Variants in CNBD1 observed in about 807,000 individuals in gnomAD.
The protein encoded by CNBD1 is cyclic nucleotide-binding domain-containing protein 1.
In CNBD1, 71 loss-of-function variants were observed where a neutral mutation model predicts 54.4. The ratio of observed to expected loss-of-function variants is 1.30; its 90% CI spans 1.08 to 1.59. The LOEUF is 1.59. Among genes scored for constraint, CNBD1 ranks in the 40% most tolerant of loss-of-function variants. The pLI is 0.00. For missense variants in CNBD1, 659 were observed against 518.0 expected, an observed-to-expected ratio of 1.27 and a Z score of -2.64; for synonymous variants, 182 against 170.7, an observed-to-expected ratio of 1.07 and a Z score of -0.51.
rs1046317122 is a variant in CNBD1, at chr8:87,211,642, T to C, written c.577+5504T>C. Among the ~76,000 whole-genome samples the C allele has an allele frequency of 6.6e-5, 10 of 152,280 alleles. No individual in the cohort carries two copies. The South Asian group carries it at 2.1e-3, about 32-fold the overall frequency. The stretch of plus-strand genomic sequence containing the variant: ...TATTCTCTCTCCTGCTCCTTCTCTC[T>C]CCATGTGATGCGTCTGCTTCCATTT... On this transcript the variant is annotated intron_variant, in intron 5 of 10. Transcript: ENST00000518476.
intron 4 of CNBD1, among the ~76,000 whole-genome samples, chr8:87,172,429 T>A (rs1184916476): frequency 6.6e-6 from 1 of 152,086 alleles, no homozygotes; most frequent in African/African-American, 2.4e-5. Context: ...CTTTGTTGAT[T>A]TTCTGTCTGG....
chr8:86,899,910 A>G (rs924656417), intron 2 of CNBD1, among the ~76,000 whole-genome samples: 4 of 152,066 alleles, frequency 2.6e-5, no homozygotes, highest in Admixed American at 6.5e-5. Flanking sequence ...TCATGGCTCA[A>G]TTCCTCCCAC....
At chr8:87,280,770 G>A (rs536081581) in intron 6 of CNBD1, among the ~76,000 whole-genome samples, 5 of 151,536 alleles carry the variant, frequency 3.3e-5, no homozygotes, top group Admixed American at 2.0e-4. Flanking sequence ...CTTATTCAGA[G>A]GGAGATTGTT....
intron 4 of CNBD1, among the ~76,000 whole-genome samples, chr8:87,106,366 C>A (rs1441519942): frequency 6.6e-6 from 1 of 151,956 alleles, no homozygotes; most frequent in East Asian, 1.9e-4. Flanking sequence ...CACCTGCCAC[C>A]ATGCCCAGCT....
In CNBD1 at chr8:87,325,378, G is replaced by A. The variant is rs1247021234; in HGVS notation, c.1043-26307G>A. 1.4e-4 allele frequency among the ~76,000 whole-genome samples: 13 copies of A among 90,272 alleles called. 1 individual carries two copies. The South Asian group carries it at 3.7e-3, about 26-fold the overall frequency. 59.2% of individuals were successfully genotyped at this position (90,272 alleles called of 152,430 possible). ...ATCCTTGTTGACTTTCTGTCTCGTT[G>A]ATCTGTCTAATGTTGACAGTGGGGT... On this transcript the variant is annotated intron_variant, in intron 8 of 10. Coordinates refer to ENST00000518476, the MANE Select transcript of CNBD1 (RefSeq NM_173538.3).
intron 4 of CNBD1, among the ~76,000 whole-genome samples, chr8:87,012,188 T>C (rs1809238045): frequency 6.6e-6 from 1 of 152,190 alleles, no homozygotes; most frequent in African/African-American, 2.4e-5. Flanking sequence ...GTCCATTTGA[T>C]AGTAGAGGTC....
In CNBD1 at chr8:86,923,839, G is replaced by A. The variant is rs148569188; in HGVS notation, c.273-15757G>A. On this transcript the variant is annotated intron_variant, in intron 3 of 10. Coordinates refer to ENST00000518476, the MANE Select transcript of CNBD1 (RefSeq NM_173538.3). ...TTAAAGAAGAATCATAGAAGGACAG[G>A]TGACATCAGAACAGAATATTCTGGG... Among the ~76,000 whole-genome samples the A allele has an allele frequency of 3.4e-4, 52 of 152,270 alleles. 1 individual carries two copies. Among genetic ancestry groups the A allele is most frequent in the African/African-American group, 1.2e-3 (50 of 41,568 alleles).
rs139304564 is a variant in CNBD1 at position 86,923,344 on chromosome 8, C to T, written c.273-16252C>T. ...GGGATGGTCCCCGCTTGGCCCACAGCCATTCCAGGGCACCTTCCCTTTCTA... is the reference window on the plus strand; with the variant it reads ...GGGATGGTCCCCGCTTGGCCCACAGTCATTCCAGGGCACCTTCCCTTTCTA... On this transcript the variant is annotated intron_variant, in intron 3 of 10. Coordinates refer to ENST00000518476, the MANE Select transcript of CNBD1 (RefSeq NM_173538.3). 1.4e-3 allele frequency among the ~76,000 whole-genome samples: 217 copies of T among 152,292 alleles called. 2 individuals carry two copies. The highest frequency in any genetic ancestry group is 5.1e-3 in the African/African-American group (213 of 41,560).
intron 9 of CNBD1, among the ~76,000 whole-genome samples, chr8:87,353,360 G>A (rs1810346236): frequency 6.6e-6 from 1 of 152,090 alleles, no homozygotes; most frequent in Admixed American, 6.5e-5. Context: ...TTGAAATGTG[G>A]AATTAGTTCA....
intron 8 of CNBD1, among the ~76,000 whole-genome samples, chr8:87,315,354 T>A (rs1296785289): frequency 6.6e-6 from 1 of 152,092 alleles, no homozygotes; most frequent in Admixed American, 6.6e-5. Context: ...AAGGAATACT[T>A]GAAGCTAGGT....
chr8:87,131,035 T>G (rs976461347), intron 4 of CNBD1, among the ~76,000 whole-genome samples: 29 of 152,116 alleles, frequency 1.9e-4, no homozygotes, highest in African/African-American at 7.0e-4. Context: ...TTACATAATA[T>G]GTATCTGTCC....
intron 4 of CNBD1, among the ~76,000 whole-genome samples, chr8:87,007,468 C>A (rs568606781): frequency 6.6e-6 from 1 of 152,118 alleles, no homozygotes; most frequent in African/African-American, 2.4e-5. Flanking sequence ...ATATTTTGAG[C>A]CCTCAGTGCT....
At chr8:86,987,286 T>C (rs1808630140) in intron 4 of CNBD1, among the ~76,000 whole-genome samples, 1 of 152,132 alleles carries the variant, frequency 6.6e-6, no homozygotes, top group African/African-American at 2.4e-5. Flanking sequence ...AATGAGGTTG[T>C]GTTTCTTATT....
At position 86,939,724 on chromosome 8, in the gene CNBD1, T is replaced by A; in HGVS notation, c.401T>A (p.Phe134Tyr). The A allele has an allele frequency of 6.3e-7, 1 of 1,581,780 alleles. No individual in the cohort carries two copies. Among genetic ancestry groups the A allele is most frequent in the Non-Finnish European group, 8.6e-7 (1 of 1,161,714 alleles). Residue 134 changes from phenylalanine (F) to tyrosine (Y), a missense_variant, in exon 4 of 11, where the codon TTT becomes TAT. Coordinates refer to ENST00000518476, the MANE Select transcript of CNBD1 (RefSeq NM_173538.3). ...AGACCAAAAAGAGCCACAGAGAAAT[T>A]TGAAGAATTCCTAGCTATCTTAAAG... ...LYRPKRATEK[F>Y]EEFLAILKKL...
At chr8:87,399,567 A>G (rs1434901269) in intron 2 of CNBD1, among the ~76,000 whole-genome samples, 1 of 152,004 alleles carries the variant, frequency 6.6e-6, no homozygotes, top group Admixed American at 6.6e-5. Context: ...AACCTAATAT[A>G]AAGCCCCTAA....
chr8:86,874,349 T>C (rs1408087009), intron 1 of CNBD1, among the ~76,000 whole-genome samples: 1 of 152,186 alleles, frequency 6.6e-6, no homozygotes, highest in Non-Finnish European at 1.5e-5. Context: ...CATGATTAGA[T>C]TTGAGGTAGA....
At chr8:87,069,710 C>T (rs972437318) in intron 4 of CNBD1, among the ~76,000 whole-genome samples, 1 of 152,056 alleles carries the variant, frequency 6.6e-6, no homozygotes, top group African/African-American at 2.4e-5. Flanking sequence ...ACTGGAGTTG[C>T]CATTCTTGCT....
intron 3 of CNBD1, among the ~76,000 whole-genome samples, chr8:86,938,243 A>G (rs1331197214): frequency 2.0e-5 from 3 of 152,120 alleles, no homozygotes; most frequent in Non-Finnish European, 4.4e-5. Flanking sequence ...TTTTGCCCAT[A>G]TCACTATCAG....
At position 87,166,741 on chromosome 8, in the gene CNBD1, T is replaced by C. The variant is rs979454631; in HGVS notation, c.432-39252T>C. 3.3e-5 allele frequency among the ~76,000 whole-genome samples: 5 copies of C among 152,034 alleles called. No individual in the cohort carries two copies. The East Asian group carries it at 9.7e-4, about 29-fold the overall frequency. On this transcript the variant is annotated intron_variant, in intron 4 of 10. Transcript: ENST00000518476. This position sits in a 1 kb window ranked among gnomAD's most constrained non-coding sequence, Gnocchi z 4.3. ...CCTAACTAGGCTTGTTACAAAATTT[T>C]ATGACAGCCTCCGTTGCATATTTTG... is the stretch of plus-strand genomic sequence containing the variant.
Sources: allele counts gnomAD v4.1 joint callset (sites outside exome capture counted in the v4.1 genomes callset), GRCh38; gene constraint gnomAD v4.1.1; non-coding constraint Gnocchi (gnomAD v3.1); transcripts MANE v1.5; gene names NCBI Gene and HGNC (gene_info 2026-07-23, HGNC 2026-07-21).